SDR42E1: variants seen among roughly 807,000 people sequenced by gnomAD.
SDR42E1 encodes the protein short chain dehydrogenase/reductase family 42E, member 1, also known as short-chain dehydrogenase/reductase family 42E member 1.
A neutral mutation model predicts 2.6 loss-of-function variants in SDR42E1; 5 were observed. That is an observed-to-expected ratio of 1.94 (90% confidence interval 1.01 to 4.08). The LOEUF (loss-of-function observed/expected upper bound fraction) is 4.08, where lower values mean the gene tolerates loss of function less well. Among genes scored for constraint, SDR42E1 ranks in the 30% most tolerant of loss-of-function variants. The probability of loss-of-function intolerance (pLI) is 0.00; values close to 1 mark genes in which losing one functional copy is unlikely to be tolerated. For missense variants in SDR42E1, 596 were observed against 478.6 expected (o/e 1.25, Z -2.29); for synonymous variants, 231 against 188.3 (o/e 1.23, Z -1.86).
rs1008958921 is a variant in SDR42E1, at chr16:81,990,169, G to C, written c.*8942C>G. 6.6e-6 allele frequency: 1 copy of C among 152,268 alleles called. No homozygotes were observed. Among genetic ancestry groups the C allele is most frequent in the Non-Finnish European group, 1.5e-5 (1 of 68,140 alleles). 9.4% of individuals were successfully genotyped at this position (152,268 alleles called of 1,614,324 possible). A position where few individuals can be genotyped will look rare whatever the true frequency, so the allele number is the denominator to read the frequency against. On this transcript the variant is annotated 3_prime_UTR_variant, in exon 3 of 3. Coordinates refer to ENST00000328945, the MANE Select transcript of SDR42E1 (RefSeq NM_145168.3). ...TCTACAAAAGACGACAGAAAAATTAGCTAGGTGTGCTGGTGCACCTGTGGT... is the reference window on the plus strand; with the variant it reads ...TCTACAAAAGACGACAGAAAAATTACCTAGGTGTGCTGGTGCACCTGTGGT...
chr16:82,009,864 G>A (rs530284373), intron 1 of SDR42E1, among the ~76,000 whole-genome samples: 8 of 152,348 alleles, frequency 5.3e-5, no homozygotes, highest in African/African-American at 1.9e-4. Context: ...TTGAATTGTA[G>A]ATCCCATAAT....
chr16:82,000,782 T>C lies in SDR42E1; in HGVS notation c.68+9A>G, dbSNP rs779574959. The C allele has an allele frequency of 1.9e-6, 3 of 1,596,550 alleles. No homozygotes were observed. Among genetic ancestry groups the C allele is most frequent in the Admixed American group, 1.7e-5 (1 of 59,884 alleles). On this transcript the variant is annotated intron_variant, in intron 2 of 2. Transcript: ENST00000328945. Reference sequence around the variant, plus strand: ...TAATTCCATGTGTATATTTTATAGATACACTTACCGAAAACCAAAATAGCC... The same window carrying C: ...TAATTCCATGTGTATATTTTATAGACACACTTACCGAAAACCAAAATAGCC...
chr16:82,009,665 G>A (rs1913061766), intron 1 of SDR42E1, among the ~76,000 whole-genome samples: 1 of 152,208 alleles, frequency 6.6e-6, no homozygotes, highest in African/African-American at 2.4e-5. Context: ...AGGCTTATAG[G>A]TGGAAGGGGC....
At position 82,004,362 on chromosome 16, in the gene SDR42E1, C is replaced by G. The variant is rs537831956; in HGVS notation, c.-26-3478G>C. Among the ~76,000 whole-genome samples, 170 of 152,232 alleles carry G rather than the reference C, an allele frequency of 1.1e-3. 2 individuals are homozygous for G. Among genetic ancestry groups the G allele is most frequent in the Non-Finnish European group, 2.1e-3 (141 of 68,004 alleles). On this transcript the variant is annotated intron_variant, in intron 1 of 2. Coordinates refer to ENST00000328945, the MANE Select transcript of SDR42E1 (RefSeq NM_145168.3). ...ATAAATGGATCACATGCAGGGAAGG[C>G]TGTGCTGGGCAGCTAACATGGTGAG... is the stretch of plus-strand genomic sequence containing the variant.
At chr16:82,000,334 C>A in intron 2 of SDR42E1, 110 bp from the exon 3 acceptor site, 1 of 1,368,264 alleles carries the variant, frequency 7.3e-7, no homozygotes, top group Non-Finnish European at 1.0e-6. Context: ...GTCTTCTTGG[C>A]TCATCCTGAG....
At chr16:82,000,418 C>T (rs1388955073) in intron 2 of SDR42E1, 194 bp from the exon 3 acceptor site, 2 of 741,716 alleles carry the variant, frequency 2.7e-6, no homozygotes, top group Admixed American at 2.0e-5. Flanking sequence ...CTCTCATCTA[C>T]TTAAATTACA....
intron 1 of SDR42E1, among the ~76,000 whole-genome samples, chr16:82,001,630 C>T (rs532904706): frequency 2.8e-4 from 43 of 152,162 alleles, no homozygotes; most frequent in Admixed American, 8.5e-4. Flanking sequence ...AGGCCAGGCA[C>T]GGTGGCTCAC....
At chr16:82,010,268 G>A (rs540248225) in intron 1 of SDR42E1, among the ~76,000 whole-genome samples, 1 of 152,336 alleles carries the variant, frequency 6.6e-6, no homozygotes, top group African/African-American at 2.4e-5. Flanking sequence ...TTTCAGAAAT[G>A]AGGAAAATAG....
At position 81,999,979 on chromosome 16, in the gene SDR42E1, T is replaced by C. The variant is rs1231719167; in HGVS notation, c.314A>G (p.Asn105Ser). The C allele has an allele frequency of 3.7e-6, 6 of 1,614,240 alleles. No homozygotes were observed. Among genetic ancestry groups the C allele is most frequent in the Non-Finnish European group, 5.1e-6 (6 of 1,180,032 alleles). The change falls in exon 3 of 3, where the codon AAC becomes AGC. Residue 105 changes from asparagine to serine, a missense_variant. Coordinates refer to ENST00000328945, the MANE Select transcript of SDR42E1 (RefSeq NM_145168.3). ...IKEVNVRGTD[N>S]ILQVCQRRRV... is the part of the protein sequence containing the mutation. ...TCTCCTTTGGCAAACCTGGAGGATG[T>C]TGTCTGTGCCCCTGACGTTGACTTC...
In SDR42E1 at chr16:82,010,542, A is replaced by T. The variant is rs575705044; in HGVS notation, c.-27+845T>A. Among the ~76,000 whole-genome samples the T allele has an allele frequency of 3.9e-5, 6 of 152,340 alleles. No individual in the cohort carries two copies. In the South Asian group the frequency reaches 1.2e-3, roughly 32 times the overall value. ...AACCTGCCTCCCATTCTATTCATGT[A>T]TCTCTGCTCACTAAAATAAAGGCAT... On this transcript the variant is annotated intron_variant, in intron 1 of 2. Transcript: ENST00000328945.
rs1473029373 is a variant in SDR42E1 at position 81,993,988 on chromosome 16, G to A, written c.*5123C>T. The A allele has an allele frequency of 6.6e-6, 1 of 152,194 alleles. No individual in the cohort carries two copies. The highest frequency in any genetic ancestry group is 1.5e-5 in the Non-Finnish European group (1 of 68,050). 9.4% of individuals were successfully genotyped at this position (152,194 alleles called of 1,614,324 possible). ...ACGACCCCCGTTTGAAAGAAAGAGGGCACAGAGGTGAGTGGAGAGGCTGCC... is the reference window on the plus strand; with the variant it reads ...ACGACCCCCGTTTGAAAGAAAGAGGACACAGAGGTGAGTGGAGAGGCTGCC... On this transcript the variant is annotated 3_prime_UTR_variant, in exon 3 of 3. Coordinates refer to ENST00000328945, the MANE Select transcript of SDR42E1 (RefSeq NM_145168.3).
intron 1 of SDR42E1, among the ~76,000 whole-genome samples, chr16:82,010,815 C>G (rs1200412285): frequency 6.6e-6 from 1 of 152,210 alleles, no homozygotes; most frequent in African/African-American, 2.4e-5. Flanking sequence ...GGGTACATGT[C>G]TTCAACCTTG....
At chr16:82,000,567 T>C in intron 2 of SDR42E1, 4 of 592,636 alleles carry the variant, frequency 6.7e-6, no homozygotes, top group Non-Finnish European at 1.2e-5. Context: ...TTTTTGGTGA[T>C]GTGAATAGTC....
Position 81,996,694 on chromosome 16 carries a change from T to G in SDR42E1, c.*2417A>C, listed in dbSNP as rs544094341. ...GGTGAGCTCACCTAGGGAGAAAGTATGGTATTAGAACAGGGCCAAGGAATG... is the reference window on the plus strand; with the variant it reads ...GGTGAGCTCACCTAGGGAGAAAGTAGGGTATTAGAACAGGGCCAAGGAATG... On this transcript the variant is annotated 3_prime_UTR_variant, in exon 3 of 3. Coordinates refer to ENST00000328945, the MANE Select transcript of SDR42E1 (RefSeq NM_145168.3). The G allele has an allele frequency of 6.6e-6, 1 of 152,072 alleles. No homozygotes were observed. The highest frequency in any genetic ancestry group is 2.4e-5 in the African/African-American group (1 of 41,390). 9.4% of individuals were successfully genotyped at this position (152,072 alleles called of 1,614,324 possible).
At position 81,997,651 on chromosome 16, in the gene SDR42E1, C is replaced by T. The variant is rs1042566705; in HGVS notation, c.*1460G>A. Reference sequence around the variant, plus strand: ...AAACAATCACTACCATCACCTCATACTGATGTTGCAATTTATATTAGAAGT... The same window carrying T: ...AAACAATCACTACCATCACCTCATATTGATGTTGCAATTTATATTAGAAGT... On this transcript the variant is annotated 3_prime_UTR_variant, in exon 3 of 3. Coordinates refer to ENST00000328945, the MANE Select transcript of SDR42E1 (RefSeq NM_145168.3). 6.6e-6 allele frequency: 1 copy of T among 152,236 alleles called. No individual in the cohort carries two copies. Among genetic ancestry groups the T allele is most frequent in the Non-Finnish European group, 1.5e-5 (1 of 68,054 alleles). 9.4% of individuals were successfully genotyped at this position (152,236 alleles called of 1,614,324 possible). A position where few individuals can be genotyped will look rare whatever the true frequency, so the allele number is the denominator to read the frequency against.
chr16:81,999,354 G>T lies in SDR42E1; in HGVS notation c.939C>A (p.Arg313=). 1.2e-6 allele frequency: 2 copies of T among 1,614,210 alleles called. No individual in the cohort carries two copies. The highest frequency in any genetic ancestry group is 2.2e-5 in the East Asian group (1 of 44,886). The change falls in exon 3 of 3, where the codon CGC becomes CGA. Residue 313 remains arginine, a synonymous_variant. Coordinates refer to ENST00000328945, the MANE Select transcript of SDR42E1 (RefSeq NM_145168.3). The part of the protein sequence containing the change: ...RLYNFQPFLT[R]TEVYKTGVTH... ...TGACACCAGTTTTGTAAACTTCAGTGCGAGTGAGGAAGGGCTGGAAGTTGT... is the reference window on the plus strand; with the variant it reads ...TGACACCAGTTTTGTAAACTTCAGTTCGAGTGAGGAAGGGCTGGAAGTTGT...
rs1912526122 is a variant in SDR42E1, at chr16:81,995,687, T to C, written c.*3424A>G. Reference sequence around the variant, plus strand: ...GAGTTATCTGTGTGCTAGAAAAGAGTGTTCATCCATAGCAGATGGGAAAAC... The same window carrying C: ...GAGTTATCTGTGTGCTAGAAAAGAGCGTTCATCCATAGCAGATGGGAAAAC... On this transcript the variant is annotated 3_prime_UTR_variant, in exon 3 of 3. Transcript: ENST00000328945. The C allele has an allele frequency of 6.6e-6, 1 of 152,084 alleles. No homozygotes were observed. The highest frequency in any genetic ancestry group is 2.1e-4 in the South Asian group (1 of 4,826). The allele number at this position is 152,084 out of a possible 1,614,324, so 9.4% of individuals were successfully genotyped here.
chr16:81,995,977 A>C lies in SDR42E1; in HGVS notation c.*3134T>G, dbSNP rs1912532360. 1 of 152,222 alleles carries C rather than the reference A, an allele frequency of 6.6e-6. No individual in the cohort carries two copies. Among genetic ancestry groups the C allele is most frequent in the South Asian group, 2.1e-4 (1 of 4,834 alleles). The allele number at this position is 152,222 out of a possible 1,614,324, so 9.4% of individuals were successfully genotyped here. A position where few individuals can be genotyped will look rare whatever the true frequency, so the allele number is the denominator to read the frequency against. On this transcript the variant is annotated 3_prime_UTR_variant, in exon 3 of 3. Coordinates refer to ENST00000328945, the MANE Select transcript of SDR42E1 (RefSeq NM_145168.3). ...AGAAAGAGACTTAACAAGAGACACG[A>C]AATAAACATTATTCAGGCCAAAAGG...
chr16:82,000,093 G>A lies in SDR42E1; in HGVS notation c.200C>T (p.Ala67Val). The change falls in exon 3 of 3, where the codon GCC becomes GTC. Residue 67 changes from alanine to valine, a missense_variant. Transcript: ENST00000328945. Reference sequence around the variant, plus strand: ...ACAAGTGACGTCTGCATCCTGGAAGGCTTTCTCTACGTCAGACAGGTGGCG... The same window carrying A: ...ACAAGTGACGTCTGCATCCTGGAAGACTTTCTCTACGTCAGACAGGTGGCG... ...DIRHLSDVEK[A>V]FQDADVTCVF... The A allele has an allele frequency of 6.2e-7, 1 of 1,614,226 alleles. No individual in the cohort carries two copies. Among genetic ancestry groups the A allele is most frequent in the South Asian group, 1.1e-5 (1 of 91,082 alleles).
Sources: allele counts gnomAD v4.1 joint callset (sites outside exome capture counted in the v4.1 genomes callset), GRCh38; gene constraint gnomAD v4.1.1; transcripts MANE v1.5; gene names NCBI Gene and HGNC (gene_info 2026-07-23, HGNC 2026-07-21).